Variants in KCTD16 observed in about 807,000 individuals in gnomAD.
The protein encoded by KCTD16 is potassium channel tetramerization domain containing 16.
In KCTD16, 13 loss-of-function variants were observed where a neutral mutation model predicts 33.2. The ratio of observed to expected loss-of-function variants is 0.39; its 90% confidence interval spans 0.25 to 0.62. KCTD16 has a LOEUF of 0.62. KCTD16 is among the 20% of genes least tolerant of loss of function. The pLI is 0.50. For missense variants in KCTD16, 441 were observed against 525.1 expected, an observed-to-expected ratio of 0.84 and a Z score of 1.57; for synonymous variants, 197 against 195.3, an observed-to-expected ratio of 1.01 and a Z score of -0.07.
At chr5:144,205,658 G>A (rs1753147977) in intron 2 of KCTD16, 1 of 398,428 alleles carries the variant, frequency 2.5e-6, no homozygotes, top group Non-Finnish European at 4.4e-6. Context: ...CTCTTCTAAG[G>A]ATCCTTTCCA....
intron 3 of KCTD16, among the ~76,000 whole-genome samples, chr5:144,243,385 A>C (rs1420268093): frequency 1.3e-5 from 2 of 152,214 alleles, no homozygotes; most frequent in African/African-American, 2.4e-5. Context: ...CAAGGGGAGA[A>C]TATCAGCATA....
chr5:144,215,577 C>T (rs1007535965), intron 3 of KCTD16, among the ~76,000 whole-genome samples: 1 of 152,200 alleles, frequency 6.6e-6, no homozygotes, highest in Non-Finnish European at 1.5e-5. Flanking sequence ...TGATCATTAG[C>T]AAATTGCTTC....
chr5:144,185,886 A>T (rs1396963602), intron 2 of KCTD16, among the ~76,000 whole-genome samples: 1 of 152,174 alleles, frequency 6.6e-6, no homozygotes, highest in Non-Finnish European at 1.5e-5. Context: ...GGCTCAATTA[A>T]TCCTCACAAG....
rs377600613 is a variant in KCTD16 at position 144,417,644 on chromosome 5, TTTTTGC to T, written c.833-56010_833-56005del. On this transcript the variant is annotated intron_variant, in intron 3 of 3. Transcript: ENST00000512467. ...ACAATTTATTTTTATTTTGTTTTTG[TTTTTGC>T]TTTTGATGTCATATCCATTACCAAA... 9.9e-5 allele frequency among the ~76,000 whole-genome samples: 15 copies of T among 152,284 alleles called. No individual in the cohort carries two copies. In the South Asian group the frequency reaches 1.5e-3, roughly 15 times the overall value.
intron 3 of KCTD16, among the ~76,000 whole-genome samples, chr5:144,247,997 T>A (rs768918386): frequency 6.6e-5 from 10 of 152,218 alleles, no homozygotes; most frequent in African/African-American, 9.6e-5. Context: ...TCTTCATTTA[T>A]GTCATAAATA....
At chr5:144,465,779 C>CTTTTTTTT (rs780109122) in intron 3 of KCTD16, among the ~76,000 whole-genome samples, 18 of 129,860 alleles carry the variant, frequency 1.4e-4, no homozygotes, top group East Asian at 2.5e-4. Flanking sequence ...CCAAATTTAA[C>CTTTTTTTT]TTTTTTGTTT....
intron 3 of KCTD16, among the ~76,000 whole-genome samples, chr5:144,216,535 A>C (rs1162046000): frequency 6.6e-6 from 1 of 152,120 alleles, no homozygotes; most frequent in Non-Finnish European, 1.5e-5. Flanking sequence ...ATTGAACATA[A>C]TTTGGTGGCA....
chr5:144,253,273 A>G (rs535786474), intron 3 of KCTD16, among the ~76,000 whole-genome samples: 139 of 152,184 alleles, frequency 9.1e-4, no homozygotes, highest in Non-Finnish European at 1.8e-3. Context: ...TATCCCATGT[A>G]TCACTTTTCA....
At chr5:144,351,365 G>A (rs934872992) in intron 3 of KCTD16, among the ~76,000 whole-genome samples, 5 of 152,236 alleles carry the variant, frequency 3.3e-5, no homozygotes, top group Admixed American at 6.5e-5. Context: ...ATATCACATC[G>A]TATCTGTGAG....
At chr5:144,437,106 C>G (rs1047862077) in intron 3 of KCTD16, among the ~76,000 whole-genome samples, 7 of 152,094 alleles carry the variant, frequency 4.6e-5, no homozygotes, top group Non-Finnish European at 8.8e-5. Flanking sequence ...GAATTCAGGT[C>G]CTCAACAGGC....
intron 3 of KCTD16, among the ~76,000 whole-genome samples, chr5:144,459,438 G>T (rs895156337): frequency 6.6e-6 from 1 of 151,660 alleles, no homozygotes; most frequent in Non-Finnish European, 1.5e-5. Flanking sequence ...TGCAACTTCC[G>T]CCTCCCAGAT....
intron 3 of KCTD16, among the ~76,000 whole-genome samples, chr5:144,362,743 C>G (rs1282937794): frequency 6.6e-6 from 1 of 152,084 alleles, no homozygotes; most frequent in Non-Finnish European, 1.5e-5. Flanking sequence ...ATTGAAAGAG[C>G]ATAGGCAGTA....
At chr5:144,328,949 A>T (rs952276022) in intron 3 of KCTD16, among the ~76,000 whole-genome samples, 1 of 150,372 alleles carries the variant, frequency 6.7e-6, no homozygotes, top group East Asian at 2.0e-4. Flanking sequence ...TGCTATAGTG[A>T]TTTTAAATCT....
chr5:144,440,377 T>C (rs1325082764), intron 3 of KCTD16, among the ~76,000 whole-genome samples: 2 of 152,218 alleles, frequency 1.3e-5, no homozygotes, highest in African/African-American at 2.4e-5. Context: ...GTAACTCTTA[T>C]GTTTTACTTT....
intron 3 of KCTD16, among the ~76,000 whole-genome samples, chr5:144,242,840 A>G (rs971176069): frequency 6.6e-6 from 1 of 152,200 alleles, no homozygotes; most frequent in African/African-American, 2.4e-5. Context: ...AGAGGCATTA[A>G]TCTATTCATG....
chr5:144,229,575 C>G (rs1221848860), intron 3 of KCTD16, among the ~76,000 whole-genome samples: 1 of 152,136 alleles, frequency 6.6e-6, no homozygotes, highest in African/African-American at 2.4e-5. Context: ...AATAATGACT[C>G]TTTTGTCCAC....
chr5:144,213,237 C>A (rs186368070), intron 3 of KCTD16, among the ~76,000 whole-genome samples: 1 of 152,116 alleles, frequency 6.6e-6, no homozygotes, highest in Non-Finnish European at 1.5e-5. Flanking sequence ...TCTTTTCTCT[C>A]ATCATTTAAA....
At position 144,465,781 on chromosome 5, in the gene KCTD16, TTTTTG is replaced by T. The variant is rs1206231383; in HGVS notation, c.833-7874_833-7870del. Among the ~76,000 whole-genome samples, 116 of 148,332 alleles carry T rather than the reference TTTTTG, an allele frequency of 7.8e-4. 3 individuals carry two copies. Among genetic ancestry groups the T allele is most frequent in the East Asian group, 7.1e-3 (36 of 5,054 alleles). ...TTGAACAATTGCTCCAAATTTAACT[TTTTTG>T]TTTTTTTTTTTTTTTGCCAGGAGGA... On this transcript the variant is annotated intron_variant, in intron 3 of 3. Transcript: ENST00000512467.
At chr5:144,188,725 T>A (rs747486952) in intron 2 of KCTD16, among the ~76,000 whole-genome samples, 1 of 152,294 alleles carries the variant, frequency 6.6e-6, no homozygotes, top group East Asian at 1.9e-4. Flanking sequence ...ACTTGAGTTA[T>A]GAAATAGGGG....
Sources: gnomAD v4.1 joint callset for allele counts (sites outside exome capture counted in the v4.1 genomes callset) on GRCh38, gnomAD v4.1.1 for gene constraint, MANE v1.5 for transcripts, NCBI Gene and HGNC (gene_info 2026-07-23, HGNC 2026-07-21) for gene names.